PCDHGC4: variants seen among roughly 807,000 people sequenced by gnomAD.
The protein encoded by PCDHGC4 is protocadherin gamma subfamily C, 4, also known as protocadherin gamma-C4.
A neutral mutation model predicts 59.7 loss-of-function variants in PCDHGC4; 15 were observed. The observed-to-expected ratio is 0.25, with a 90% CI of 0.17 to 0.39. The LOEUF (loss-of-function observed/expected upper bound fraction) is 0.39. Among genes scored for constraint, PCDHGC4 ranks in the 10% least tolerant of loss-of-function variants. The pLI is 1.00. For synonymous variants in PCDHGC4, 434 were observed against 481.4 expected, an observed-to-expected ratio of 0.90 and a Z score of 1.29; for missense variants, 1,016 against 1,189.5, an observed-to-expected ratio of 0.85 and a Z score of 2.15.
chr5:141,497,032 T>C (rs1206131945), intron 2 of PCDHGC4, among the ~76,000 whole-genome samples: 1 of 151,652 alleles, frequency 6.6e-6, no homozygotes, highest in East Asian at 1.9e-4. Flanking sequence ...CGATTAAAAA[T>C]ACAAAAATTA....
Position 141,490,916 on chromosome 5 carries a change from A to C in PCDHGC4, c.2442+3301A>C. 1 of 1,613,724 alleles carries C rather than the reference A, an allele frequency of 6.2e-7. No homozygotes were observed. Among genetic ancestry groups the C allele is most frequent in the Non-Finnish European group, 8.5e-7 (1 of 1,179,736 alleles). ...CATGTGTTTGTCCTAGACGAGAATG[A>C]TAATGCCCCAGCTGTGCTGCACCCA... is the stretch of plus-strand genomic sequence containing the variant. On this transcript the variant is annotated intron_variant, in intron 1 of 3. Transcript: ENST00000306593. This position sits in a 1 kb window ranked among gnomAD's most constrained non-coding sequence, Gnocchi z 5.4.
chr5:141,503,671 A>G (rs1028896082), intron 2 of PCDHGC4, among the ~76,000 whole-genome samples: 2 of 151,950 alleles, frequency 1.3e-5, no homozygotes, highest in Non-Finnish European at 2.9e-5. Flanking sequence ...AACTCTTCCC[A>G]CTTTTGGGAA....
Position 141,490,885 on chromosome 5 carries a change from T to C in PCDHGC4, c.2442+3270T>C, listed in dbSNP as rs1317781676. The stretch of plus-strand genomic sequence containing the variant: ...CTCTCCCCCATTGCATGCCAACACA[T>C]CTCTGCATGTGTTTGTCCTAGACGA... On this transcript the variant is annotated intron_variant, in intron 1 of 3. Coordinates refer to ENST00000306593, the MANE Select transcript of PCDHGC4 (RefSeq NM_018928.3). This position sits in a 1 kb window ranked among gnomAD's most constrained non-coding sequence, Gnocchi z 5.4. The C allele has an allele frequency of 6.2e-7, 1 of 1,613,872 alleles. No individual in the cohort carries two copies. Among genetic ancestry groups the C allele is most frequent in the Non-Finnish European group, 8.5e-7 (1 of 1,179,904 alleles).
chr5:141,489,042 A>T lies in PCDHGC4; in HGVS notation c.2442+1427A>T. On this transcript the variant is annotated intron_variant, in intron 1 of 3. Coordinates refer to ENST00000306593, the MANE Select transcript of PCDHGC4 (RefSeq NM_018928.3). This position sits in a 1 kb window ranked among gnomAD's most constrained non-coding sequence, Gnocchi z 4.5. ...TCTCCTCCTCCAGCTCCCCAGCTCCACTCAAATTCAGCTCCCCTCCCCCCT... is the reference window on the plus strand; with the variant it reads ...TCTCCTCCTCCAGCTCCCCAGCTCCTCTCAAATTCAGCTCCCCTCCCCCCT... The T allele has an allele frequency of 4.2e-6, 2 of 473,800 alleles. No individual in the cohort carries two copies. The highest frequency in any genetic ancestry group is 3.7e-6 in the Non-Finnish European group (1 of 270,920). 29.3% of individuals were successfully genotyped at this position (473,800 alleles called of 1,614,324 possible).
Position 141,490,156 on chromosome 5 carries a change from G to T in PCDHGC4, c.2442+2541G>T. On this transcript the variant is annotated intron_variant, in intron 1 of 3. Coordinates refer to ENST00000306593, the MANE Select transcript of PCDHGC4 (RefSeq NM_018928.3). The surrounding 1 kb of genome is among the most constrained non-coding windows in gnomAD (Gnocchi z 5.4). ...TAGCAGTGGGGCAATCCATGTGTTG[G>T]GTCCCATAGACTTTGAGGAGTCACG... is the stretch of plus-strand genomic sequence containing the variant. 3.1e-6 allele frequency: 5 copies of T among 1,614,192 alleles called. No individual in the cohort carries two copies. Among genetic ancestry groups the T allele is most frequent in the Non-Finnish European group, 4.2e-6 (5 of 1,180,034 alleles).
Position 141,491,383 on chromosome 5 carries a change from A to C in PCDHGC4, c.2443-3424A>C. The C allele has an allele frequency of 6.2e-7, 1 of 1,614,036 alleles. No individual in the cohort carries two copies. The highest frequency in any genetic ancestry group is 8.5e-7 in the Non-Finnish European group (1 of 1,179,962). ...AGTCACCTTCACCTTTCTGTCAGCG[A>C]AGTGCCTTCAGGGAAACGCAGACGG... On this transcript the variant is annotated intron_variant, in intron 1 of 3. Transcript: ENST00000306593. This position sits in a 1 kb window ranked among gnomAD's most constrained non-coding sequence, Gnocchi z 6.9.
In PCDHGC4 at chr5:141,485,697, A is replaced by G. The variant is rs76923861; in HGVS notation, c.524A>G (p.Asn175Ser). 48,100 of 1,614,036 alleles carry G rather than the reference A, an allele frequency of 0.03. 1,433 individuals carry two copies. Among genetic ancestry groups the G allele is most frequent in the African/African-American group, 0.15 (11,542 of 75,006 alleles). The stretch of plus-strand genomic sequence containing the variant: ...ATTAGCAGCTATAGGCTGAGCTCCA[A>G]TGAACACTTTGCACTGGATGTGAAG... ...NSISSYRLSSNEHFALDVKKR... is the reference protein window; with the variant it reads ...NSISSYRLSSSEHFALDVKKR... Residue 175 changes from asparagine (N) to serine (S), a missense_variant, in exon 1 of 4, where the codon AAT becomes AGT. By Grantham distance (46) the Asn-to-Ser change is conservative (BLOSUM62 1). Transcript: ENST00000306593. The surrounding 1 kb of genome is among the most constrained non-coding windows in gnomAD (Gnocchi z 5.7).
At chr5:141,494,223 C>T (rs1435042163) in intron 1 of PCDHGC4, among the ~76,000 whole-genome samples, 2 of 152,192 alleles carry the variant, frequency 1.3e-5, no homozygotes, top group African/African-American at 4.8e-5. Context: ...TGGCATGACT[C>T]CTAAATTAAT....
rs980172909 is a variant in PCDHGC4, at chr5:141,485,917, G to A, written c.744G>A (p.Arg248=). The change falls in exon 1 of 4, where the codon AGG becomes AGA. Residue 248 remains arginine (R), a synonymous_variant. Transcript: ENST00000306593. The surrounding 1 kb of genome is among the most constrained non-coding windows in gnomAD (Gnocchi z 5.7). ...NAPAFQQSSY[R]ISVLESAPAG... is the part of the protein sequence containing the mutation. ...CAGCCTTCCAGCAATCCAGCTACAGGATTAGTGTGTTGGAGAGCGCACCAG... is the reference window on the plus strand; with the variant it reads ...CAGCCTTCCAGCAATCCAGCTACAGAATTAGTGTGTTGGAGAGCGCACCAG... The A allele has an allele frequency of 2.6e-5, 42 of 1,614,078 alleles. No homozygotes were observed. Among genetic ancestry groups the A allele is most frequent in the Non-Finnish European group, 3.5e-5 (41 of 1,180,050 alleles).
rs151293422 is a variant in PCDHGC4, at chr5:141,487,556, A to G, written c.2383A>G (p.Met795Val). ...GATGGTGAAGTCACCCAGTGCACCT[A>G]TGGCAGGGGAGCCTGTTCGCCCAAG... ...FMMVKSPSAP[M>V]AGEPVRPSCP... Residue 795 changes from methionine to valine, a missense_variant, in exon 1 of 4, where the codon ATG becomes GTG. Coordinates refer to ENST00000306593, the MANE Select transcript of PCDHGC4 (RefSeq NM_018928.3). This position sits in a 1 kb window ranked among gnomAD's most constrained non-coding sequence, Gnocchi z 5.0. 2,837 of 1,614,100 alleles carry G rather than the reference A, an allele frequency of 1.8e-3. 31 individuals are homozygous for G. The highest frequency in any genetic ancestry group is 1.2e-3 in the South Asian group (105 of 91,084).
chr5:141,487,041 G>T lies in PCDHGC4; in HGVS notation c.1868G>T (p.Arg623Leu), dbSNP rs149314216. Reference protein sequence around the residue: ...APDPSLFAVSRYAGEVRTAVP... With the variant: ...APDPSLFAVSLYAGEVRTAVP... Reference sequence around the variant, plus strand: ...GATCCCAGCCTGTTTGCAGTCTCTCGATATGCTGGGGAGGTGCGGACGGCT... The same window carrying T: ...GATCCCAGCCTGTTTGCAGTCTCTCTATATGCTGGGGAGGTGCGGACGGCT... Residue 623 changes from arginine (R) to leucine (L), a missense_variant, in exon 1 of 4, where the codon CGA (arginine) becomes CTA (leucine). Arg to Leu is a moderately radical substitution (Grantham distance 102). Transcript: ENST00000306593. This position sits in a 1 kb window ranked among gnomAD's most constrained non-coding sequence, Gnocchi z 5.0. 6.2e-7 allele frequency: 1 copy of T among 1,614,132 alleles called. No homozygotes were observed. The highest frequency in any genetic ancestry group is 8.5e-7 in the Non-Finnish European group (1 of 1,180,030).
rs765263883 is a variant in PCDHGC4 at position 141,491,018 on chromosome 5, C to T, written c.2442+3403C>T. On this transcript the variant is annotated intron_variant, in intron 1 of 3. Coordinates refer to ENST00000306593, the MANE Select transcript of PCDHGC4 (RefSeq NM_018928.3). This position sits in a 1 kb window ranked among gnomAD's most constrained non-coding sequence, Gnocchi z 6.9. The stretch of plus-strand genomic sequence containing the variant: ...CCTGGCTCCTTGGTCACCAAGGTGA[C>T]AGCCGTGGATGCTGATGCAGGCCAC... 1.2e-6 allele frequency: 2 copies of T among 1,614,146 alleles called. No individual in the cohort carries two copies. The highest frequency in any genetic ancestry group is 1.7e-6 in the Non-Finnish European group (2 of 1,180,042).
intron 2 of PCDHGC4, among the ~76,000 whole-genome samples, chr5:141,497,865 A>G (rs1248242691): frequency 2.0e-5 from 3 of 152,168 alleles, no homozygotes; most frequent in Admixed American, 2.0e-4. Flanking sequence ...CAGCGGCTCC[A>G]AAGTGAAATA....
intron 2 of PCDHGC4, among the ~76,000 whole-genome samples, chr5:141,501,212 A>G (rs936235563): frequency 1.9e-4 from 29 of 150,770 alleles, no homozygotes; most frequent in Admixed American, 1.8e-3. Flanking sequence ...TGTCAGGGTG[A>G]CTTCCTAGAT....
Position 141,485,778 on chromosome 5 carries a change from G to T in PCDHGC4, c.605G>T (p.Arg202Leu). The T allele has an allele frequency of 6.2e-7, 1 of 1,614,216 alleles. No individual in the cohort carries two copies. Among genetic ancestry groups the T allele is most frequent in the Admixed American group, 1.7e-5 (1 of 60,028 alleles). ...PELLLEKPLD[R>L]EKQSDYRLVL... ...CTGCTCCTGGAGAAGCCTTTGGATC[G>T]AGAGAAGCAATCGGACTACCGCCTG... is the stretch of plus-strand genomic sequence containing the variant. Residue 202 changes from arginine (R) to leucine (L), a missense_variant, in exon 1 of 4, where the codon CGA becomes CTA. Physicochemically the swap from Arg to Leu is moderately radical, Grantham distance 102. Coordinates refer to ENST00000306593, the MANE Select transcript of PCDHGC4 (RefSeq NM_018928.3). The surrounding 1 kb of genome is among the most constrained non-coding windows in gnomAD (Gnocchi z 5.7).
In PCDHGC4 at chr5:141,491,789, T is replaced by G; in HGVS notation, c.2443-3018T>G. The G allele has an allele frequency of 6.6e-7, 1 of 1,525,854 alleles. No individual in the cohort carries two copies. Among genetic ancestry groups the G allele is most frequent in the Non-Finnish European group, 8.8e-7 (1 of 1,137,340 alleles). The allele number at this position is 1,525,854 out of a possible 1,614,324, so 94.5% of individuals were successfully genotyped here. ...CATAAGGGATTGAACTTGCATCCAC[T>G]CCTCTCCGGCCGGCTTGGTCGCTGG... On this transcript the variant is annotated intron_variant, in intron 1 of 3. Transcript: ENST00000306593. The surrounding 1 kb of genome is among the most constrained non-coding windows in gnomAD (Gnocchi z 6.9).
At position 141,486,493 on chromosome 5, in the gene PCDHGC4, T is replaced by C. The variant is rs761905572; in HGVS notation, c.1320T>C (p.Thr440=). The C allele has an allele frequency of 1.2e-6, 2 of 1,614,136 alleles. No homozygotes were observed. The highest frequency in any genetic ancestry group is 1.7e-6 in the Non-Finnish European group (2 of 1,179,960). Reference sequence around the variant, plus strand: ...ACCCTCCTCTCAGTACCCACAGAACTATTTTCCTCAATATTTCAGATGTGA... The same window carrying C: ...ACCCTCCTCTCAGTACCCACAGAACCATTTTCCTCAATATTTCAGATGTGA... ...AGNPPLSTHR[T]IFLNISDVND... The change falls in exon 1 of 4, where the codon ACT becomes ACC. Residue 440 remains threonine, a synonymous_variant. Transcript: ENST00000306593. The surrounding 1 kb of genome is among the most constrained non-coding windows in gnomAD (Gnocchi z 5.0).
Position 141,491,686 on chromosome 5 carries a change from C to A in PCDHGC4, c.2443-3121C>A. The A allele has an allele frequency of 6.2e-7, 1 of 1,612,970 alleles. No homozygotes were observed. The highest frequency in any genetic ancestry group is 8.5e-7 in the Non-Finnish European group (1 of 1,179,558). Reference sequence around the variant, plus strand: ...CATCCGGTCCCGCTCTAATACGCTGCGGGAGCGGAGCCAGGTGAGGGGCTC... The same window carrying A: ...CATCCGGTCCCGCTCTAATACGCTGAGGGAGCGGAGCCAGGTGAGGGGCTC... On this transcript the variant is annotated intron_variant, in intron 1 of 3. Coordinates refer to ENST00000306593, the MANE Select transcript of PCDHGC4 (RefSeq NM_018928.3). The surrounding 1 kb of genome is among the most constrained non-coding windows in gnomAD (Gnocchi z 6.9).
intron 2 of PCDHGC4, among the ~76,000 whole-genome samples, chr5:141,503,638 T>C (rs1467962880): frequency 1.3e-5 from 2 of 151,908 alleles, no homozygotes; most frequent in Non-Finnish European, 2.9e-5. Flanking sequence ...AAATAATTAT[T>C]GAATCAATGG....
Sources: gnomAD v4.1 joint callset for allele counts (sites outside exome capture counted in the v4.1 genomes callset) on GRCh38, gnomAD v4.1.1 for gene constraint, Gnocchi (gnomAD v3.1) non-coding constraint, MANE v1.5 for transcripts, NCBI Gene and HGNC (gene_info 2026-07-23, HGNC 2026-07-21) for gene names.